CCDC80: variants seen among roughly 807,000 people sequenced by gnomAD.
The protein encoded by CCDC80 is coiled-coil domain-containing protein 80.
A neutral mutation model predicts 78.7 loss-of-function variants in CCDC80; 49 were observed. That is an observed-to-expected ratio of 0.62 (90% CI 0.50 to 0.79). CCDC80 has a LOEUF of 0.79. CCDC80 is among the 30% of genes least tolerant of loss of function. CCDC80 has a pLI of 0.00. For missense variants in CCDC80, 1,205 were observed against 1,198.6 expected (o/e 1.01, Z -0.08); for synonymous variants, 488 against 447.0 (o/e 1.09, Z -1.16).
In CCDC80 at chr3:112,639,114, G is replaced by A; in HGVS notation, c.792C>T (p.Gly264=). The A allele has an allele frequency of 1.2e-6, 2 of 1,614,088 alleles. No individual in the cohort carries two copies. Among genetic ancestry groups the A allele is most frequent in the Non-Finnish European group, 1.7e-6 (2 of 1,180,018 alleles). The change falls in exon 2 of 8, where the codon GGC becomes GGT. Residue 264 remains glycine, a synonymous_variant. Coordinates refer to ENST00000206423, the MANE Select transcript of CCDC80 (RefSeq NM_199511.3). The stretch of plus-strand genomic sequence containing the variant: ...TGATCTTCTCGATCCTACGGATGGG[G>A]CCTTGGTCGATGACCTCGTACATGG... The part of the protein sequence containing the change: ...LEAMYEVIDQ[G]PIRRIEKIRQ...
Position 112,638,830 on chromosome 3 carries a change from G to A in CCDC80, c.1076C>T (p.Thr359Ile). 6.2e-7 allele frequency: 1 copy of A among 1,613,840 alleles called. No homozygotes were observed. The highest frequency in any genetic ancestry group is 8.5e-7 in the Non-Finnish European group (1 of 1,180,022). ...CCGGGACGTGGACCGAGTCACTGTTGTGGCTGGGGCAGGAGGAAGGGTGGT... is the reference window on the plus strand; with the variant it reads ...CCGGGACGTGGACCGAGTCACTGTTATGGCTGGGGCAGGAGGAAGGGTGGT... Reference protein sequence around the residue: ...RATTLPPAPATTVTRSTSRAV... With the variant: ...RATTLPPAPAITVTRSTSRAV... The change falls in exon 2 of 8, where the codon ACA becomes ATA. Residue 359 changes from threonine (T) to isoleucine (I), a missense_variant. Thr to Ile is a moderately conservative substitution (Grantham distance 89). Coordinates refer to ENST00000206423, the MANE Select transcript of CCDC80 (RefSeq NM_199511.3).
rs751139841 is a variant in CCDC80 at position 112,605,411 on chromosome 3, T to A, written c.*6A>T. 1 of 1,601,526 alleles carries A rather than the reference T, an allele frequency of 6.2e-7. No homozygotes were observed. Among genetic ancestry groups the A allele is most frequent in the South Asian group, 1.1e-5 (1 of 89,982 alleles). On this transcript the variant is annotated 3_prime_UTR_variant, in exon 8 of 8. Coordinates refer to ENST00000206423, the MANE Select transcript of CCDC80 (RefSeq NM_199511.3). ...ACTGGCTGAGTCTAAGGTTACATAT[T>A]TCTGCTCAGTAAGGGTATCCATGGT...
Position 112,604,539 on chromosome 3 carries a change from T to C in CCDC80, c.*878A>G, listed in dbSNP as rs932174990. 6.6e-5 allele frequency: 10 copies of C among 152,296 alleles called. No individual in the cohort carries two copies. The highest frequency in any genetic ancestry group is 2.4e-4 in the African/African-American group (10 of 41,474). 9.4% of individuals were successfully genotyped at this position (152,296 alleles called of 1,614,324 possible). ...CTAAAGAGTGTAAACATAACTTTTA[T>C]ATGCACTGAGAAACCAAAAATTTTG... On this transcript the variant is annotated 3_prime_UTR_variant, in exon 8 of 8. Coordinates refer to ENST00000206423, the MANE Select transcript of CCDC80 (RefSeq NM_199511.3).
chr3:112,605,489 G>A lies in CCDC80; in HGVS notation c.2781C>T (p.His927=). 2 of 1,614,102 alleles carry A rather than the reference G, an allele frequency of 1.2e-6. No homozygotes were observed. The highest frequency in any genetic ancestry group is 1.7e-6 in the Non-Finnish European group (2 of 1,179,984). Residue 927 remains histidine (H), a synonymous_variant, in exon 8 of 8, where the codon CAC becomes CAT. Coordinates refer to ENST00000206423, the MANE Select transcript of CCDC80 (RefSeq NM_199511.3). ...CCTGGTAACCATCCTGGTATCCTTGGTGGTAACTATGGTAACCATAGCCTG... is the reference window on the plus strand; with the variant it reads ...CCTGGTAACCATCCTGGTATCCTTGATGGTAACTATGGTAACCATAGCCTG... The part of the protein sequence containing the change: ...EYAGYGYHSY[H]QGYQDGYQDD...
chr3:112,617,593 T>G (rs1479746284), intron 4 of CCDC80, among the ~76,000 whole-genome samples: 1 of 152,222 alleles, frequency 6.6e-6, no homozygotes, highest in Non-Finnish European at 1.5e-5. Context: ...GCCCAACCTC[T>G]CTCATTAGAG....
rs1553745254 is a variant in CCDC80 at position 112,601,718 on chromosome 3, C to CAATGAA, written c.*3698_*3699insTTCATT. The CAATGAA allele has an allele frequency of 1.3e-5, 2 of 148,562 alleles. No homozygotes were observed. The highest frequency in any genetic ancestry group is 2.0e-4 in the East Asian group (1 of 5,092). The allele number at this position is 148,562 out of a possible 1,614,324, so 9.2% of individuals were successfully genotyped here. On this transcript the variant is annotated 3_prime_UTR_variant, in exon 8 of 8. Transcript: ENST00000206423. ...AAAAGAGAAAAAAAAGAAGCAGCAG[C>CAATGAA]AACGAAAGGAGGGAGGAAGGGAGAA...
At chr3:112,634,463 A>G (rs1025906052) in intron 2 of CCDC80, among the ~76,000 whole-genome samples, 1 of 152,152 alleles carries the variant, frequency 6.6e-6, no homozygotes, top group African/African-American at 2.4e-5. Context: ...TGATAAGCTT[A>G]CCTATAGTCT....
rs1936326748 is a variant in CCDC80, at chr3:112,640,922, A to C, written c.-607T>G. 1 of 151,340 alleles carries C rather than the reference A, an allele frequency of 6.6e-6. No homozygotes were observed. 9.4% of individuals were successfully genotyped at this position (151,340 alleles called of 1,614,324 possible). ...TTCTCTCCTCCCTTTATTTCTCCCT[A>C]CCTTTTTCCTCCTCTTTTTCTTCTT... On this transcript the variant is annotated 5_prime_UTR_variant, in exon 1 of 8. Coordinates refer to ENST00000206423, the MANE Select transcript of CCDC80 (RefSeq NM_199511.3).
At chr3:112,632,006 C>G (rs572020142) in intron 2 of CCDC80, among the ~76,000 whole-genome samples, 3 of 152,208 alleles carry the variant, frequency 2.0e-5, no homozygotes, top group East Asian at 1.9e-4. Context: ...GTTTTAGGAA[C>G]ATAATTTTTT....
chr3:112,608,809 A>G lies in CCDC80; in HGVS notation c.2425+1169T>C, dbSNP rs115370466. 7.1e-3 allele frequency among the ~76,000 whole-genome samples: 1,076 copies of G among 152,252 alleles called. 12 individuals are homozygous for G. The highest frequency in any genetic ancestry group is 0.024 in the African/African-American group (1,010 of 41,568). ...ACAAATAAAAATTTCTGAATTTTCT[A>G]TTGTTCTTACTATTATGAGTTTGGT... On this transcript the variant is annotated intron_variant, in intron 6 of 7. Coordinates refer to ENST00000206423, the MANE Select transcript of CCDC80 (RefSeq NM_199511.3).
rs1935589831 is a variant in CCDC80, at chr3:112,609,922, A to T, written c.2425+56T>A. On this transcript the variant is annotated intron_variant, in intron 6 of 7. Transcript: ENST00000206423. Reference sequence around the variant, plus strand: ...CTAAGGTTCTATGTTCCATTTTAGAATTGACCAGGAGGAGAGTGGTATGGG... The same window carrying T: ...CTAAGGTTCTATGTTCCATTTTAGATTTGACCAGGAGGAGAGTGGTATGGG... 3 of 1,240,154 alleles carry T rather than the reference A, an allele frequency of 2.4e-6. No individual in the cohort carries two copies. In the East Asian group the frequency reaches 7.0e-5, roughly 29 times the overall value. 76.8% of individuals were successfully genotyped at this position (1,240,154 alleles called of 1,614,324 possible).
intron 2 of CCDC80, 151 bp downstream of exon 2, chr3:112,637,877 C>T: frequency 1.6e-6 from 2 of 1,248,478 alleles, no homozygotes; most frequent in Non-Finnish European, 2.1e-6. Context: ...GGCCTGCTGC[C>T]CTCTTTTGCC....
At chr3:112,634,610 A>G (rs775835436) in intron 2 of CCDC80, among the ~76,000 whole-genome samples, 4 of 152,220 alleles carry the variant, frequency 2.6e-5, no homozygotes, top group Non-Finnish European at 4.4e-5. Flanking sequence ...TAAAGGCAGA[A>G]ACTCCACATT....
chr3:112,638,507 G>T lies in CCDC80; in HGVS notation c.1399C>A (p.Arg467Ser). 1 of 1,614,022 alleles carries T rather than the reference G, an allele frequency of 6.2e-7. No individual in the cohort carries two copies. Among genetic ancestry groups the T allele is most frequent in the East Asian group, 2.2e-5 (1 of 44,862 alleles). The change falls in exon 2 of 8, where the codon CGC becomes AGC. Residue 467 changes from arginine (R) to serine (S), a missense_variant. Arg to Ser is a moderately radical substitution (Grantham distance 110, BLOSUM62 -1). Coordinates refer to ENST00000206423, the MANE Select transcript of CCDC80 (RefSeq NM_199511.3). Reference protein sequence around the residue: ...AAGPGRFRDNRMDRREHGHRD... With the variant: ...AAGPGRFRDNSMDRREHGHRD... ...TGGCCATGTTCCCGCCTGTCCATGC[G>T]GTTGTCCCGGAAACGGCCTGGGCCA...
intron 3 of CCDC80, among the ~76,000 whole-genome samples, chr3:112,627,792 C>T (rs1936006472): frequency 6.6e-6 from 1 of 151,866 alleles, no homozygotes; most frequent in South Asian, 2.1e-4. Context: ...AGATCTCCCA[C>T]CCCAAAATCA....
In CCDC80 at chr3:112,597,455, C is replaced by G. The variant is rs1935301351; in HGVS notation, c.*7962G>C. ...TACACATTTCTCAAAGCTCAAAGTG[C>G]AAGTCTAGGTATATTCTCTAGTTTC... On this transcript the variant is annotated 3_prime_UTR_variant, in exon 8 of 8. Transcript: ENST00000206423. 1 of 152,106 alleles carries G rather than the reference C, an allele frequency of 6.6e-6. No homozygotes were observed. Among genetic ancestry groups the G allele is most frequent in the Non-Finnish European group, 1.5e-5 (1 of 68,022 alleles). 9.4% of individuals were successfully genotyped at this position (152,106 alleles called of 1,614,324 possible).
intron 4 of CCDC80, among the ~76,000 whole-genome samples, chr3:112,617,734 T>C (rs1311380238): frequency 6.6e-6 from 1 of 152,244 alleles, no homozygotes; most frequent in Non-Finnish European, 1.5e-5. Context: ...CACACAAGCA[T>C]GGTATATGAA....
intron 3 of CCDC80, among the ~76,000 whole-genome samples, chr3:112,625,656 A>C (rs1559879114): frequency 6.6e-6 from 1 of 152,166 alleles, no homozygotes; most frequent in South Asian, 2.1e-4. Flanking sequence ...CAATATATAT[A>C]ATATGCTATA....
rs1265696604 is a variant in CCDC80, at chr3:112,632,418, G to C, written c.1879-2149C>G. Among the ~76,000 whole-genome samples, 8 of 152,256 alleles carry C rather than the reference G, an allele frequency of 5.3e-5. No homozygotes were observed. The East Asian group carries it at 1.5e-3, about 29-fold the overall frequency. Reference sequence around the variant, plus strand: ...TATTTAGAGGAGTTTCTAGGGCAAAGCTGCTTAGATGTTAGATGACAGAAA... The same window carrying C: ...TATTTAGAGGAGTTTCTAGGGCAAACCTGCTTAGATGTTAGATGACAGAAA... On this transcript the variant is annotated intron_variant, in intron 2 of 7. Coordinates refer to ENST00000206423, the MANE Select transcript of CCDC80 (RefSeq NM_199511.3).
Sources: allele counts gnomAD v4.1 joint callset (sites outside exome capture counted in the v4.1 genomes callset), GRCh38; gene constraint gnomAD v4.1.1; transcripts MANE v1.5; gene names NCBI Gene and HGNC (gene_info 2026-07-23, HGNC 2026-07-21).